Variants in OLAH observed in about 807,000 individuals in gnomAD.
OLAH encodes S-acyl fatty acid synthase thioesterase, medium chain.
OLAH carries 33 observed loss-of-function variants against 27.8 expected under a neutral mutation model. That is an observed-to-expected ratio of 1.19 (90% CI 0.90 to 1.59). OLAH has a LOEUF of 1.59. Ranked by LOEUF, OLAH falls within the 40% of genes most tolerant of loss-of-function variation. The probability of loss-of-function intolerance (pLI) is 0.00; values close to 1 mark genes in which losing one functional copy is unlikely to be tolerated. For synonymous variants in OLAH, 120 were observed against 102.9 expected, an observed-to-expected ratio of 1.17 and a Z score of -1.01; for missense variants, 359 against 310.8, an observed-to-expected ratio of 1.16 and a Z score of -1.17.
In OLAH at chr10:15,058,996, CCT is replaced by C. The variant is rs1471189708; in HGVS notation, c.164-2722_164-2721del. On this transcript the variant is annotated intron_variant, in intron 3 of 7. Coordinates refer to ENST00000378228, the MANE Select transcript of OLAH (RefSeq NM_001039702.3). ...CCCTCTCTCCTTCCCTCTCTCCTTC[CCT>C]CTCTCCTTCCCTCTCTCCTTCCCTC... 3.1e-5 allele frequency among the ~76,000 whole-genome samples: 4 copies of C among 130,020 alleles called. No homozygotes were observed. In the East Asian group the frequency reaches 1.0e-3, roughly 33 times the overall value. The allele number at this position is 130,020 out of a possible 152,430, so 85.3% of individuals were successfully genotyped here.
At chr10:15,057,649 G>A (rs372320638) in intron 3 of OLAH, among the ~76,000 whole-genome samples, 4 of 151,982 alleles carry the variant, frequency 2.6e-5, no homozygotes, top group African/African-American at 7.2e-5. Context: ...GCCTCCCAAA[G>A]TGCTGGAATT....
chr10:15,055,044 A>T (rs1470889691), intron 3 of OLAH, among the ~76,000 whole-genome samples: 1 of 152,066 alleles, frequency 6.6e-6, no homozygotes, highest in Non-Finnish European at 1.5e-5. Context: ...GGCTCACTGC[A>T]ACCTCTGCCT....
chr10:15,055,186 T>C (rs1449371729), intron 3 of OLAH, among the ~76,000 whole-genome samples: 1 of 152,200 alleles, frequency 6.6e-6, no homozygotes, highest in Non-Finnish European at 1.5e-5. Context: ...TGAAAAACTT[T>C]GATTTATACT....
chr10:15,037,774 C>G (rs554844136), intron 1 of OLAH, among the ~76,000 whole-genome samples: 1 of 152,244 alleles, frequency 6.6e-6, no homozygotes, highest in East Asian at 1.9e-4. Flanking sequence ...TGCCTGAATT[C>G]TCTACGTATG....
At chr10:15,048,767 T>A (rs1000432992) in intron 2 of OLAH, among the ~76,000 whole-genome samples, 2 of 152,128 alleles carry the variant, frequency 1.3e-5, no homozygotes, top group Admixed American at 6.6e-5. Flanking sequence ...ATATAGGTAT[T>A]TGACTATTTC....
chr10:15,049,389 T>G (rs1344885740), intron 2 of OLAH, among the ~76,000 whole-genome samples: 2 of 152,124 alleles, frequency 1.3e-5, no homozygotes, highest in African/African-American at 4.8e-5. Flanking sequence ...CTCCTTGGCC[T>G]CCCAAATTGC....
chr10:15,072,427 A>G (rs1718891399), intron 7 of OLAH, among the ~76,000 whole-genome samples: 1 of 152,210 alleles, frequency 6.6e-6, no homozygotes, highest in Non-Finnish European at 1.5e-5. Context: ...TAGGTCTCAA[A>G]GAAATAAAAA....
At chr10:15,054,576 C>CT (rs1257050955) in intron 3 of OLAH, among the ~76,000 whole-genome samples, 1 of 151,754 alleles carries the variant, frequency 6.6e-6, no homozygotes, top group Non-Finnish European at 1.5e-5. Flanking sequence ...CCATGTGTCC[C>CT]TATGCTGGAA....
intron 4 of OLAH, 32 bp downstream of exon 4, chr10:15,061,894 G>A (rs868311241): frequency 2.5e-6 from 4 of 1,597,052 alleles, no homozygotes; most frequent in African/African-American, 1.3e-5. Flanking sequence ...AGACTTCAGG[G>A]GAGTTTCTTC....
chr10:15,061,970 G>A (rs34775529), intron 4 of OLAH, 108 bp downstream of exon 4: 78,607 of 1,018,276 alleles, frequency 0.077, 3,307 homozygotes, highest in Middle Eastern at 0.12. Context: ...GTATTGGTTA[G>A]ACAGCATGTT....
At chr10:15,052,445 A>T (rs905425605) in intron 3 of OLAH, among the ~76,000 whole-genome samples, 6 of 151,872 alleles carry the variant, frequency 4.0e-5, no homozygotes, top group Non-Finnish European at 5.9e-5. Flanking sequence ...TTTTAAGAAA[A>T]TTTTTTTTGT....
intron 3 of OLAH, among the ~76,000 whole-genome samples, chr10:15,051,060 T>TTTATTA (rs1363953389): frequency 9.5e-5 from 13 of 136,516 alleles, no homozygotes; most frequent in South Asian, 2.4e-4. Context: ...TTCAAGACTG[T>TTTATTA]TTATTATTAT....
In OLAH at chr10:15,065,680, G is replaced by C; in HGVS notation, c.499G>C (p.Ala167Pro). The C allele has an allele frequency of 6.2e-7, 1 of 1,614,136 alleles. No homozygotes were observed. The highest frequency in any genetic ancestry group is 8.5e-7 in the Non-Finnish European group (1 of 1,180,000). ...ATTTGGAGGCACCCCCAAGCATTTT[G>C]CTGAAGCCAAGGAATTTGTGAAACA... ...MEFGGTPKHF[A>P]EAKEFVKQCS... The change falls in exon 6 of 8, where the codon GCT becomes CCT. Residue 167 changes from alanine (A) to proline (P), a missense_variant. Coordinates refer to ENST00000378228, the MANE Select transcript of OLAH (RefSeq NM_001039702.3).
At chr10:15,064,355 C>A (rs374053752) in intron 4 of OLAH, 48 bp from the exon 5 acceptor site, 2 of 1,094,186 alleles carry the variant, frequency 1.8e-6, no homozygotes, top group South Asian at 2.7e-5. Context: ...TGGATCATCA[C>A]GAGTTTTGCT....
Position 15,071,290 on chromosome 10 carries a change from T to C in OLAH, c.573-505T>C, listed in dbSNP as rs147588960. On this transcript the variant is annotated intron_variant, in intron 6 of 7. Transcript: ENST00000378228. ...CTTCCATCTCTCTCTAGTTGAATGA[T>C]TGTTTCTGTAATGTCTCTCTCCCAG... Among the ~76,000 whole-genome samples, 586 of 152,234 alleles carry C rather than the reference T, an allele frequency of 3.8e-3. 1 individual carries two copies. Among genetic ancestry groups the C allele is most frequent in the African/African-American group, 0.013 (550 of 41,538 alleles).
At chr10:15,052,053 T>G (rs1353883965) in intron 3 of OLAH, among the ~76,000 whole-genome samples, 1 of 151,898 alleles carries the variant, frequency 6.6e-6, no homozygotes, top group Non-Finnish European at 1.5e-5. Flanking sequence ...GAGGCTGAGG[T>G]GGGCAGATTA....
Position 15,065,601 on chromosome 10 carries a change from C to T in OLAH, c.420C>T (p.Arg140=), listed in dbSNP as rs1407465363. Residue 140 remains arginine, a synonymous_variant, in exon 6 of 8, where the codon CGC becomes CGT. Coordinates refer to ENST00000378228, the MANE Select transcript of OLAH (RefSeq NM_001039702.3). ...GTTTCAAGTCAAAGGCCTGGCATCG[C>T]ATTCCCAAAGATGATGAATTGTCAG... The part of the protein sequence containing the change: ...ATPVHSKAWH[R]IPKDDELSEE... The T allele has an allele frequency of 1.9e-6, 3 of 1,610,968 alleles. No homozygotes were observed. The highest frequency in any genetic ancestry group is 2.5e-6 in the Non-Finnish European group (3 of 1,179,098).
chr10:15,055,702 G>C (rs1406377513), intron 3 of OLAH, among the ~76,000 whole-genome samples: 1 of 152,116 alleles, frequency 6.6e-6, no homozygotes, highest in African/African-American at 2.4e-5. Flanking sequence ...CTATAAAAAT[G>C]TATACCATAA....
chr10:15,064,273 C>G, intron 4 of OLAH, 130 bp from the exon 5 acceptor site: 2 of 618,326 alleles, frequency 3.2e-6, no homozygotes, highest in Admixed American at 3.5e-5. Flanking sequence ...ACTTCTTAAT[C>G]AACTCACACT....
Sources: allele counts gnomAD v4.1 joint callset (sites outside exome capture counted in the v4.1 genomes callset), GRCh38; gene constraint gnomAD v4.1.1; transcripts MANE v1.5; gene names NCBI Gene and HGNC (gene_info 2026-07-23, HGNC 2026-07-21).